HS3ST2: variants seen among roughly 807,000 people sequenced by gnomAD.
HS3ST2 encodes the protein heparan sulfate glucosamine 3-O-sulfotransferase 2.
Under a neutral mutation model 26.3 loss-of-function variants are expected in HS3ST2, and 17 were observed. The observed-to-expected ratio is 0.65, with a 90% CI of 0.44 to 0.97. The LOEUF (loss-of-function observed/expected upper bound fraction) is 0.97. Among genes scored for constraint, HS3ST2 ranks in the 50% least tolerant of loss-of-function variants. The pLI, the probability that HS3ST2 is intolerant of heterozygous loss-of-function variation, is 0.00. For missense variants in HS3ST2, 402 were observed against 501.2 expected (o/e 0.80, Z 1.89); for synonymous variants, 237 against 219.2 (o/e 1.08, Z -0.72).
At chr16:22,894,620 G>A (rs750161805) in intron 1 of HS3ST2, among the ~76,000 whole-genome samples, 5 of 152,074 alleles carry the variant, frequency 3.3e-5, no homozygotes, top group Non-Finnish European at 4.4e-5. Context: ...CCTCAGGGCC[G>A]GGTGCAGTGA....
intron 1 of HS3ST2, among the ~76,000 whole-genome samples, chr16:22,883,800 C>T (rs759763184): frequency 6.6e-6 from 1 of 152,174 alleles, no homozygotes; most frequent in Non-Finnish European, 1.5e-5. Context: ...GAATCTGGAA[C>T]CCAAGGCCAA....
chr16:22,815,172 TTC>T, intron 1 of HS3ST2, 77 bp downstream of exon 1: 2 of 1,556,848 alleles, frequency 1.3e-6, no homozygotes, highest in Non-Finnish European at 1.7e-6. Context: ...CTCTTGTGTT[TTC>T]TCTTTCTTTT....
At chr16:22,841,838 G>A (rs1242112912) in intron 1 of HS3ST2, among the ~76,000 whole-genome samples, 1 of 151,904 alleles carries the variant, frequency 6.6e-6, no homozygotes, top group African/African-American at 2.4e-5. Flanking sequence ...AAATGTCTCT[G>A]TTTTGCCTTC....
chr16:22,827,232 G>A (rs1901101259), intron 1 of HS3ST2, among the ~76,000 whole-genome samples: 1 of 152,168 alleles, frequency 6.6e-6, no homozygotes, highest in South Asian at 2.1e-4. Context: ...TGTCCAGGGT[G>A]GAGTGCCCAA....
At chr16:22,892,842 T>C (rs771067156) in intron 1 of HS3ST2, among the ~76,000 whole-genome samples, 65 of 152,242 alleles carry the variant, frequency 4.3e-4, no homozygotes, top group Non-Finnish European at 6.8e-4. Context: ...GCGTTGGCTC[T>C]TTTCATTAAT....
At chr16:22,909,540 G>A (rs1902395487) in intron 1 of HS3ST2, among the ~76,000 whole-genome samples, 1 of 152,084 alleles carries the variant, frequency 6.6e-6, no homozygotes, top group African/African-American at 2.4e-5. Flanking sequence ...ACCTTTGCAC[G>A]TTATCATCAC....
At chr16:22,877,438 C>T (rs143327751) in intron 1 of HS3ST2, among the ~76,000 whole-genome samples, 32 of 152,200 alleles carry the variant, frequency 2.1e-4, no homozygotes, top group South Asian at 6.2e-4. Context: ...ATAAGTGGGC[C>T]GGGAAATGGA....
chr16:22,880,885 C>A (rs921728774), intron 1 of HS3ST2, among the ~76,000 whole-genome samples: 10 of 152,166 alleles, frequency 6.6e-5, no homozygotes, highest in African/African-American at 2.2e-4. Flanking sequence ...GAGAAATCTG[C>A]AAAATGAAAT....
chr16:22,884,897 C>G (rs552260637), intron 1 of HS3ST2, among the ~76,000 whole-genome samples: 1 of 149,690 alleles, frequency 6.7e-6, no homozygotes, highest in African/African-American at 2.5e-5. Flanking sequence ...CTGGAGTGCA[C>G]TGGCATGATC....
At position 22,866,386 on chromosome 16, in the gene HS3ST2, G is replaced by A. The variant is rs182210565; in HGVS notation, c.486-48558G>A. On this transcript the variant is annotated intron_variant, in intron 1 of 1. Coordinates refer to ENST00000261374, the MANE Select transcript of HS3ST2 (RefSeq NM_006043.2). ...ATGGTGTGCGTGTGTGTGTGTGTGT[G>A]TGTGTGTGTGTGTGTGTGTGTTGGG... is the stretch of plus-strand genomic sequence containing the variant. Among the ~76,000 whole-genome samples, 46 of 150,266 alleles carry A rather than the reference G, an allele frequency of 3.1e-4. 1 individual carries two copies. The East Asian group carries it at 6.6e-3, about 22-fold the overall frequency.
intron 1 of HS3ST2, among the ~76,000 whole-genome samples, chr16:22,821,808 G>C (rs559360715): frequency 6.6e-6 from 1 of 152,252 alleles, no homozygotes; most frequent in East Asian, 1.9e-4. Flanking sequence ...CACCCGGGAG[G>C]GGAAATGACC....
chr16:22,839,642 A>C (rs1252004841), intron 1 of HS3ST2, among the ~76,000 whole-genome samples: 1 of 151,598 alleles, frequency 6.6e-6, no homozygotes, highest in African/African-American at 2.4e-5. Flanking sequence ...TTGAGATGAC[A>C]TACAGTTTTT....
intron 1 of HS3ST2, among the ~76,000 whole-genome samples, chr16:22,911,745 A>G (rs1363253329): frequency 2.0e-5 from 3 of 151,282 alleles, no homozygotes; most frequent in Admixed American, 1.3e-4. Context: ...TTTATGGCCC[A>G]CTCTAATCCG....
chr16:22,823,190 A>T (rs1901026347), intron 1 of HS3ST2, among the ~76,000 whole-genome samples: 1 of 152,236 alleles, frequency 6.6e-6, no homozygotes, highest in Admixed American at 6.5e-5. Context: ...AAAACAAAAC[A>T]GTGTGATTGA....
chr16:22,860,552 C>T (rs1901660273), intron 1 of HS3ST2, among the ~76,000 whole-genome samples: 1 of 152,080 alleles, frequency 6.6e-6, no homozygotes, highest in African/African-American at 2.4e-5. Context: ...TACTATATCA[C>T]TTGCTTTTGG....
chr16:22,870,012 C>T (rs1901811966), intron 1 of HS3ST2, among the ~76,000 whole-genome samples: 1 of 152,110 alleles, frequency 6.6e-6, no homozygotes, highest in Non-Finnish European at 1.5e-5. Flanking sequence ...CTTAAATTCT[C>T]ACATTGAATT....
chr16:22,915,126 C>A lies in HS3ST2; in HGVS notation c.668C>A (p.Pro223His). Residue 223 changes from proline to histidine, a missense_variant, in exon 2 of 2, where the codon CCC becomes CAC. Pro to His is a moderately conservative substitution (Grantham distance 77). Transcript: ENST00000261374. ...SDYTQTLSKK[P>H]DIPTFEGLSF... is the part of the protein sequence containing the mutation. ...TACACGCAGACACTCTCCAAGAAGC[C>A]CGACATCCCGACCTTTGAGGGCCTC... is the stretch of plus-strand genomic sequence containing the variant. The A allele has an allele frequency of 1.2e-6, 2 of 1,614,066 alleles. No individual in the cohort carries two copies. The highest frequency in any genetic ancestry group is 8.5e-7 in the Non-Finnish European group (1 of 1,179,998).
chr16:22,844,741 A>T (rs1901406336), intron 1 of HS3ST2, among the ~76,000 whole-genome samples: 1 of 151,516 alleles, frequency 6.6e-6, no homozygotes. Context: ...CTTCACCTTC[A>T]CTTTCACCTT....
intron 1 of HS3ST2, among the ~76,000 whole-genome samples, chr16:22,914,557 T>A (rs1323076086): frequency 2.0e-5 from 3 of 150,900 alleles, no homozygotes; most frequent in Admixed American, 6.6e-5. Context: ...TAGAAAAACT[T>A]AGCCAGGCAT....
Sources: allele counts gnomAD v4.1 joint callset (sites outside exome capture counted in the v4.1 genomes callset), GRCh38; gene constraint gnomAD v4.1.1; transcripts MANE v1.5; gene names NCBI Gene and HGNC (gene_info 2026-07-23, HGNC 2026-07-21).